ZNF410: variants seen among roughly 807,000 people sequenced by gnomAD.
ZNF410 encodes zinc finger protein 410, also known as another partner for ARF 1.
In ZNF410, 18 loss-of-function variants were observed where a neutral mutation model predicts 54.8. The ratio of observed to expected loss-of-function variants is 0.33; its 90% CI spans 0.23 to 0.49. ZNF410 has a LOEUF of 0.49. Ranked by LOEUF, ZNF410 falls within the 20% of genes least tolerant of loss-of-function variation. ZNF410 has a pLI of 0.99. For synonymous variants in ZNF410, 191 were observed against 207.3 expected (o/e 0.92, Z 0.68); for missense variants, 405 against 569.6 (o/e 0.71, Z 2.94).
chr14:73,905,274 T>A, intron 7 of ZNF410, 191 bp downstream of exon 7: 1 of 591,280 alleles, frequency 1.7e-6, no homozygotes, highest in Non-Finnish European at 2.8e-6. Flanking sequence ...TACCTGTGTG[T>A]GTAGAGTAGA....
At chr14:73,901,088 C>G (rs2055399017) in intron 5 of ZNF410, among the ~76,000 whole-genome samples, 1 of 152,190 alleles carries the variant, frequency 6.6e-6, no homozygotes, top group South Asian at 2.1e-4. Flanking sequence ...TCTTCACTTA[C>G]AGTCTAAGTT....
Position 73,923,410 on chromosome 14 carries a change from G to A in ZNF410, c.1286G>A (p.Gly429Glu), listed in dbSNP as rs536317484. Residue 429 changes from glycine (G) to glutamate (E), a missense_variant, in exon 11 of 12, where the codon GGA (glycine) becomes GAA (glutamate). By Grantham distance (98) the Gly-to-Glu change is moderately conservative. Coordinates refer to ENST00000555044, the MANE Select transcript of ZNF410 (RefSeq NM_021188.3). The stretch of plus-strand genomic sequence containing the variant: ...TGCTTCACAGAGGTGCTTGCTGAAG[G>A]ATCCCCACGTTCCCTGTCTTCAGTG... ...LGVDDEVLAE[G>E]SPRSLSSVPD... The A allele has an allele frequency of 5.6e-6, 9 of 1,613,150 alleles. No homozygotes were observed. In the South Asian group the frequency reaches 9.9e-5, roughly 18 times the overall value.
At chr14:73,896,214 A>G (rs1431799359) in intron 3 of ZNF410, 102 bp from the exon 4 acceptor site, 5 of 789,102 alleles carry the variant, frequency 6.3e-6, no homozygotes, top group Non-Finnish European at 1.0e-5. Flanking sequence ...GTCTGTTGCT[A>G]TAAGGATGTT....
At chr14:73,926,980 T>G (rs2055842580) in intron 11 of ZNF410, 1 of 152,778 alleles carries the variant, frequency 6.5e-6, no homozygotes, top group Admixed American at 6.5e-5. Flanking sequence ...ACTGGTAGGT[T>G]ATGTAAAGGT....
intron 11 of ZNF410, among the ~76,000 whole-genome samples, chr14:73,927,573 A>G (rs1489948509): frequency 1.3e-5 from 2 of 152,040 alleles, no homozygotes; most frequent in Admixed American, 6.6e-5. Context: ...GTATTGGTAA[A>G]TATCTTTAAA....
At position 73,899,144 on chromosome 14, in the gene ZNF410, T is replaced by A. The variant is rs528663119; in HGVS notation, c.580+882T>A. Among the ~76,000 whole-genome samples the A allele has an allele frequency of 3.3e-5, 5 of 152,100 alleles. No homozygotes were observed. The South Asian group carries it at 8.3e-4, about 25-fold the overall frequency. On this transcript the variant is annotated intron_variant, in intron 5 of 11. Transcript: ENST00000555044. Reference sequence around the variant, plus strand: ...ACAGTTGTTTGGAGTTTATGCAGATTATCTAGTATATGCTTATTATTATTT... The same window carrying A: ...ACAGTTGTTTGGAGTTTATGCAGATAATCTAGTATATGCTTATTATTATTT...
intron 5 of ZNF410, among the ~76,000 whole-genome samples, chr14:73,900,736 C>T (rs1371437308): frequency 1.1e-5 from 1 of 91,732 alleles, no homozygotes; most frequent in Non-Finnish European, 2.1e-5. Flanking sequence ...CTAACACAAG[C>T]TTGTCCAACA....
chr14:73,931,416 C>A, intron 11 of ZNF410, 87 bp from the exon 12 acceptor site: 1 of 1,195,534 alleles, frequency 8.4e-7, no homozygotes, highest in Non-Finnish European at 1.2e-6. Flanking sequence ...CATTCTCCAT[C>A]CTCCACTCTT....
intron 11 of ZNF410, among the ~76,000 whole-genome samples, 186 bp from the exon 12 acceptor site, chr14:73,931,317 A>C (rs1475970392): frequency 6.6e-6 from 1 of 152,200 alleles, no homozygotes; most frequent in African/African-American, 2.4e-5. Flanking sequence ...TGACATGGCT[A>C]AAGTGCTGTC....
At chr14:73,909,201 G>A in intron 7 of ZNF410, 140 bp from the exon 8 acceptor site, 2 of 682,560 alleles carry the variant, frequency 2.9e-6, no homozygotes, top group Non-Finnish European at 5.0e-6. Flanking sequence ...TTGCTAGGTA[G>A]CCCAGTTGAA....
chr14:73,910,007 T>C (rs1465648089), intron 8 of ZNF410, among the ~76,000 whole-genome samples: 1 of 152,184 alleles, frequency 6.6e-6, no homozygotes, highest in East Asian at 1.9e-4. Flanking sequence ...ATTCTGTCAG[T>C]TTGCTCACTC....
At chr14:73,891,921 G>T in intron 1 of ZNF410, 106 bp from the exon 2 acceptor site, 1 of 610,126 alleles carries the variant, frequency 1.6e-6, no homozygotes. Context: ...TTCTTTATTT[G>T]CTTGCTTGTT....
chr14:73,902,074 T>G (rs964053542), intron 5 of ZNF410: 4 of 151,112 alleles, frequency 2.6e-5, no homozygotes, highest in Non-Finnish European at 4.4e-5. Context: ...TGTGTAGTTT[T>G]TTTTTTTTTT....
chr14:73,906,319 T>C (rs1305609606), intron 7 of ZNF410: 1 of 151,212 alleles, frequency 6.6e-6, no homozygotes, highest in Non-Finnish European at 1.5e-5. Flanking sequence ...TTTTTTTTTT[T>C]AATTAGTCAA....
chr14:73,905,901 A>T (rs958997538), intron 7 of ZNF410, among the ~76,000 whole-genome samples: 4 of 150,926 alleles, frequency 2.7e-5, no homozygotes, highest in African/African-American at 9.8e-5. Flanking sequence ...ATATATACAT[A>T]CATATATACA....
intron 7 of ZNF410, among the ~76,000 whole-genome samples, chr14:73,906,817 C>T (rs1020840612): frequency 3.3e-5 from 5 of 151,980 alleles, no homozygotes; most frequent in Admixed American, 6.6e-5. Flanking sequence ...CTGATTTTCC[C>T]GTTGTTTTTT....
intron 8 of ZNF410, chr14:73,914,151 C>T (rs1286189155): frequency 6.6e-6 from 1 of 152,184 alleles, no homozygotes; most frequent in Non-Finnish European, 1.5e-5. Flanking sequence ...CCTTCCACAT[C>T]AGTCTCCCGA....
At chr14:73,889,536 T>C (rs2055193596) in intron 1 of ZNF410, among the ~76,000 whole-genome samples, 1 of 151,866 alleles carries the variant, frequency 6.6e-6, no homozygotes, top group African/African-American at 2.4e-5. Flanking sequence ...TAGAGAGATG[T>C]AATCACTATT....
chr14:73,905,968 C>CATACATATATATAT (rs1555353430), intron 7 of ZNF410, among the ~76,000 whole-genome samples: 20 of 78,930 alleles, frequency 2.5e-4, no homozygotes, highest in African/African-American at 5.1e-4. Context: ...CACACACACA[C>CATACATATATATAT]ATATATATAT....
Sources: allele counts gnomAD v4.1 joint callset (sites outside exome capture counted in the v4.1 genomes callset), GRCh38; gene constraint gnomAD v4.1.1; transcripts MANE v1.5; gene names NCBI Gene and HGNC (gene_info 2026-07-23, HGNC 2026-07-21).